Variants in PYGB observed in about 807,000 individuals in gnomAD.
The protein encoded by PYGB is glycogen phosphorylase B.
PYGB carries 82 observed loss-of-function variants against 94.3 expected under a neutral mutation model. That is an observed-to-expected ratio of 0.87 (90% CI 0.73 to 1.04). The LOEUF is 1.04. PYGB is among the 50% of genes least tolerant of loss of function. The pLI, the probability that PYGB is intolerant of heterozygous loss-of-function variation, is 0.00. For missense variants in PYGB, 1,132 were observed against 1,158.2 expected, an observed-to-expected ratio of 0.98 and a Z score of 0.33; for synonymous variants, 488 against 479.1, an observed-to-expected ratio of 1.02 and a Z score of -0.24.
intron 11 of PYGB, 42 bp downstream of exon 11, chr20:25,281,154 C>T (rs1422827555): frequency 1.2e-6 from 2 of 1,607,876 alleles, no homozygotes; most frequent in Admixed American, 3.3e-5. Flanking sequence ...CTCTGTCTGA[C>T]ACCCAGGCCT....
intron 15 of PYGB, among the ~76,000 whole-genome samples, chr20:25,289,106 G>T (rs2088443603): frequency 6.6e-6 from 1 of 152,158 alleles, no homozygotes; most frequent in Non-Finnish European, 1.5e-5. Context: ...GGGGCCTGGG[G>T]GTGCTGGTGC....
chr20:25,278,885 G>A lies in PYGB; in HGVS notation c.1000-172G>A, dbSNP rs140308819. 1.4e-3 allele frequency among the ~76,000 whole-genome samples: 207 copies of A among 151,828 alleles called. 1 individual carries two copies. Among genetic ancestry groups the A allele is most frequent in the African/African-American group, 4.7e-3 (193 of 41,432 alleles). On this transcript the variant is annotated intron_variant, in intron 8 of 19. Coordinates refer to ENST00000216962, the MANE Select transcript of PYGB (RefSeq NM_002862.4). Reference sequence around the variant, plus strand: ...GCACAGCGCACACCTGCCACAGTGCGAGCCCGACTGTCCTCCCTGCTCCCT... The same window carrying A: ...GCACAGCGCACACCTGCCACAGTGCAAGCCCGACTGTCCTCCCTGCTCCCT...
chr20:25,289,461 G>A (rs1184864272), intron 15 of PYGB, among the ~76,000 whole-genome samples: 1 of 152,138 alleles, frequency 6.6e-6, no homozygotes, highest in Non-Finnish European at 1.5e-5. Flanking sequence ...CCTGAGCAGT[G>A]TGGTGAAACC....
At chr20:25,278,243 CA>C in intron 7 of PYGB, 75 bp from the exon 8 acceptor site, 3 of 627,052 alleles carry the variant, frequency 4.8e-6, no homozygotes, top group Non-Finnish European at 6.4e-6. Flanking sequence ...ACCTTTGAGC[CA>C]GGTCGCTGAC....
In PYGB at chr20:25,288,429, C is replaced by A; in HGVS notation, c.1773C>A (p.Ile591=). ...CLHVVTLYNR[I]KRDPAKAFVP... is the part of the protein sequence containing the mutation. ...TCTCTTCCGTGTGTCCTGCAGGAAT[C>A]AAGAGAGACCCGGCCAAGGCTTTTG... Residue 591 remains isoleucine (I), a synonymous_variant, in exon 15 of 20, where the codon ATC becomes ATA. Transcript: ENST00000216962. 1 of 1,614,138 alleles carries A rather than the reference C, an allele frequency of 6.2e-7. No homozygotes were observed. Among genetic ancestry groups the A allele is most frequent in the South Asian group, 1.1e-5 (1 of 91,070 alleles).
chr20:25,270,187 G>GTT lies in PYGB; in HGVS notation c.424+987_424+988dup, dbSNP rs1555806349. On this transcript the variant is annotated intron_variant, in intron 3 of 19. Transcript: ENST00000216962. ...TTTTTTTGATTTTTTTAATCCTGAA[G>GTT]TTTTTTTTGTTTTGTTTTGTTTTTT... Among the ~76,000 whole-genome samples, 116 of 130,124 alleles carry GTT rather than the reference G, an allele frequency of 8.9e-4. 3 individuals carry two copies. The highest frequency in any genetic ancestry group is 3.0e-3 in the African/African-American group (92 of 30,766). 85.4% of individuals were successfully genotyped at this position (130,124 alleles called of 152,430 possible). A position where few individuals can be genotyped will look rare whatever the true frequency, so the allele number is the denominator to read the frequency against.
At chr20:25,268,453 A>T (rs1367714963) in intron 2 of PYGB, among the ~76,000 whole-genome samples, 1 of 151,906 alleles carries the variant, frequency 6.6e-6, no homozygotes, top group Non-Finnish European at 1.5e-5. Context: ...TATTATTTTT[A>T]AATGAATTCA....
intron 14 of PYGB, 83 bp downstream of exon 14, chr20:25,284,334 C>T: frequency 6.5e-7 from 1 of 1,527,546 alleles, no homozygotes; most frequent in Non-Finnish European, 8.8e-7. Flanking sequence ...GACCCTGGGC[C>T]TCTGTCATGG....
intron 1 of PYGB, among the ~76,000 whole-genome samples, chr20:25,254,502 T>C (rs976757420): frequency 6.6e-6 from 1 of 152,136 alleles, no homozygotes; most frequent in Non-Finnish European, 1.5e-5. Flanking sequence ...GGAAGAGAAG[T>C]GAACACAGAT....
chr20:25,262,605 A>G (rs946597202), intron 2 of PYGB, among the ~76,000 whole-genome samples: 2 of 152,288 alleles, frequency 1.3e-5, no homozygotes, highest in Admixed American at 6.5e-5. Context: ...TCATAATGAC[A>G]GGATCAAATT....
intron 2 of PYGB, among the ~76,000 whole-genome samples, chr20:25,266,141 GCGCCTGGC>G (rs1469164814): frequency 1.3e-5 from 2 of 152,166 alleles, no homozygotes; most frequent in African/African-American, 4.8e-5. Flanking sequence ...GTGTGCCACT[GCGCCTGGC>G]TGATAGTATC....
Position 25,294,263 on chromosome 20 carries a change from C to T in PYGB, c.2283C>T (p.Asp761=), listed in dbSNP as rs558613963. ...FSPKEPDCFK[D]IVNMLMHHDR... is the part of the protein sequence containing the mutation. The stretch of plus-strand genomic sequence containing the variant: ...CCAAGGAGCCAGACTGCTTCAAGGA[C>T]ATCGTGAACATGCTGATGCACCATG... The change falls in exon 18 of 20, where the codon GAC becomes GAT. Residue 761 remains aspartate, a synonymous_variant. Transcript: ENST00000216962. The T allele has an allele frequency of 2.3e-5, 34 of 1,497,596 alleles. No individual in the cohort carries two copies. The highest frequency in any genetic ancestry group is 1.1e-4 in the African/African-American group (8 of 70,228). The allele number at this position is 1,497,596 out of a possible 1,614,324, so 92.8% of individuals were successfully genotyped here. A position where few individuals can be genotyped will look rare whatever the true frequency, so the allele number is the denominator to read the frequency against.
Position 25,296,618 on chromosome 20 carries a change from C to T in PYGB, c.*96C>T, listed in dbSNP as rs202155672. The stretch of plus-strand genomic sequence containing the variant: ...AACACTTTGCCAGCCACTGGTGGTC[C>T]CTGCTTTTCTGAGTACCATGTTTCC... On this transcript the variant is annotated 3_prime_UTR_variant, in exon 20 of 20. Transcript: ENST00000216962. The T allele has an allele frequency of 3.4e-6, 5 of 1,453,704 alleles. No individual in the cohort carries two copies. The Admixed American group carries it at 6.0e-5, about 18-fold the overall frequency. 90.1% of individuals were successfully genotyped at this position (1,453,704 alleles called of 1,614,324 possible).
chr20:25,290,936 C>T (rs931985827), intron 16 of PYGB, among the ~76,000 whole-genome samples: 1 of 152,004 alleles, frequency 6.6e-6, no homozygotes, highest in Non-Finnish European at 1.5e-5. Flanking sequence ...GCCCCTCAGC[C>T]GTGCCTTCTG....
intron 17 of PYGB, among the ~76,000 whole-genome samples, chr20:25,293,128 G>A (rs1321498654): frequency 1.1e-3 from 2 of 1,814 alleles, no homozygotes; most frequent in Non-Finnish European, 2.1e-3. Context: ...GGCCAGGGTC[G>A]GGGGGGGTGG....
chr20:25,261,949 G>A (rs529834887), intron 2 of PYGB, among the ~76,000 whole-genome samples: 10 of 152,268 alleles, frequency 6.6e-5, no homozygotes, highest in Admixed American at 6.5e-4. Flanking sequence ...AAAAAGAAAT[G>A]AACAAAGCCT....
chr20:25,279,036 C>T, intron 8 of PYGB, 21 bp from the exon 9 acceptor site: 1 of 1,599,922 alleles, frequency 6.3e-7, no homozygotes, highest in Non-Finnish European at 8.6e-7. Context: ...GACTGAATGG[C>T]ACCCCTTGTG....
rs1600750443 is a variant in PYGB at position 25,296,581 on chromosome 20, CT to C, written c.*65del. The C allele has an allele frequency of 2.6e-6, 4 of 1,552,564 alleles. No individual in the cohort carries two copies. The highest frequency in any genetic ancestry group is 3.5e-6 in the Non-Finnish European group (4 of 1,149,334). The stretch of plus-strand genomic sequence containing the variant: ...TGTTTTCTTGCTGACTTTGCACCTC[CT>C]TTTTTCCCCAAACACTTTGCCAGCC... On this transcript the variant is annotated 3_prime_UTR_variant, in exon 20 of 20. Coordinates refer to ENST00000216962, the MANE Select transcript of PYGB (RefSeq NM_002862.4).
intron 2 of PYGB, among the ~76,000 whole-genome samples, chr20:25,260,629 CTG>C (rs2092911243): frequency 6.6e-6 from 1 of 152,182 alleles, no homozygotes; most frequent in African/African-American, 2.4e-5. Flanking sequence ...GCTTGTCGGA[CTG>C]TGGGTGTAGC....
Sources: allele counts gnomAD v4.1 joint callset (sites outside exome capture counted in the v4.1 genomes callset), GRCh38; gene constraint gnomAD v4.1.1; transcripts MANE v1.5; gene names NCBI Gene and HGNC (gene_info 2026-07-23, HGNC 2026-07-21).